MEGF8: variants seen among roughly 807,000 people sequenced by gnomAD.
MEGF8 encodes multiple epidermal growth factor-like domains protein 8.
A neutral mutation model predicts 302.9 loss-of-function variants in MEGF8; 156 were observed. The observed-to-expected ratio is 0.52, with a 90% CI of 0.45 to 0.59. The LOEUF is 0.59. MEGF8 is among the 20% of genes least tolerant of loss of function. The probability of loss-of-function intolerance (pLI) is 0.00; values close to 1 mark genes in which losing one functional copy is unlikely to be tolerated. For synonymous variants in MEGF8, 1,621 were observed against 1,660.5 expected (o/e 0.98, Z 0.58); for missense variants, 3,345 against 3,964.5 (o/e 0.84, Z 4.20).
At chr19:42,359,071 TC>T in intron 30 of MEGF8, 26 bp from the exon 31 acceptor site, 1 of 1,504,388 alleles carries the variant, frequency 6.6e-7, no homozygotes. Context: ...GGCTGTCCTG[TC>T]CCCCCACCCC....
rs1329120642 is a variant in MEGF8, at chr19:42,378,063, G to C, written c.*1288G>C. ...GGGGCAGACTGAGGCTTGTGAGGAA[G>C]ATCAGAGTCTGGTTCTTGACATGAG... On this transcript the variant is annotated 3_prime_UTR_variant, in exon 42 of 42. Coordinates refer to ENST00000251268, the MANE Select transcript of MEGF8 (RefSeq NM_001271938.2). The C allele has an allele frequency of 6.6e-6, 1 of 152,236 alleles. No individual in the cohort carries two copies. Among genetic ancestry groups the C allele is most frequent in the East Asian group, 1.9e-4 (1 of 5,206 alleles). The allele number at this position is 152,236 out of a possible 1,614,324, so 9.4% of individuals were successfully genotyped here.
At chr19:42,332,079 A>G (rs892711127) in intron 1 of MEGF8, among the ~76,000 whole-genome samples, 2 of 151,810 alleles carry the variant, frequency 1.3e-5, no homozygotes, top group Non-Finnish European at 2.9e-5. Flanking sequence ...CTGTTCTGGA[A>G]CTCCTGACCT....
chr19:42,368,431 CCCCAT>C lies in MEGF8; in HGVS notation c.6274-20_6274-16del. 1.3e-6 allele frequency: 2 copies of C among 1,542,372 alleles called. No individual in the cohort carries two copies. The highest frequency in any genetic ancestry group is 1.8e-6 in the Non-Finnish European group (2 of 1,133,700). On this transcript the variant is annotated intron_variant, in intron 35 of 41. Coordinates refer to ENST00000251268, the MANE Select transcript of MEGF8 (RefSeq NM_001271938.2). The surrounding 1 kb of genome is among the most constrained non-coding windows in gnomAD (Gnocchi z 4.9). ...TTCCCCATCTCTCTCTTCCCTGCAT[CCCCAT>C]CCCCTCCCCCCCATACAGTGTCTGA... is the stretch of plus-strand genomic sequence containing the variant.
intron 35 of MEGF8, among the ~76,000 whole-genome samples, chr19:42,365,772 TAAAAAAAAAAA>T (rs771190592): frequency 1.7e-5 from 1 of 57,654 alleles, no homozygotes; most frequent in Non-Finnish European, 3.6e-5. Context: ...ACCCCGTCTC[TAAAAAAAAAAA>T]AAAAAAAAAA....
At chr19:42,348,573 C>A in intron 13 of MEGF8, 101 bp downstream of exon 13, 1 of 1,179,530 alleles carries the variant, frequency 8.5e-7, no homozygotes, top group Non-Finnish European at 1.2e-6. Flanking sequence ...TGGGGAAGGG[C>A]TGGGGAGAAA....
chr19:42,354,498 C>G lies in MEGF8; in HGVS notation c.4012-90C>G. ...CAGCCCATTTCCCAGTCTCAGATTG[C>G]CCTCCCCTCTTGAACCCCTCCTCCT... On this transcript the variant is annotated intron_variant, in intron 22 of 41. Coordinates refer to ENST00000251268, the MANE Select transcript of MEGF8 (RefSeq NM_001271938.2). This position sits in a 1 kb window ranked among gnomAD's most constrained non-coding sequence, Gnocchi z 4.3. The G allele has an allele frequency of 7.0e-7, 1 of 1,430,402 alleles. No individual in the cohort carries two copies. The highest frequency in any genetic ancestry group is 9.5e-7 in the Non-Finnish European group (1 of 1,049,340). 88.6% of individuals were successfully genotyped at this position (1,430,402 alleles called of 1,614,324 possible).
In MEGF8 at chr19:42,367,534, C is replaced by T. The variant is rs528786705; in HGVS notation, c.6274-921C>T. On this transcript the variant is annotated intron_variant, in intron 35 of 41. Coordinates refer to ENST00000251268, the MANE Select transcript of MEGF8 (RefSeq NM_001271938.2). ...TGGTCTCCTGACCTCGTGATCCGCC[C>T]GCCTCGGCCTCCCAAAGTGCTGGGA... is the stretch of plus-strand genomic sequence containing the variant. Among the ~76,000 whole-genome samples the T allele has an allele frequency of 1.1e-4, 17 of 152,190 alleles. No homozygotes were observed. In the East Asian group the frequency reaches 1.4e-3, roughly 12 times the overall value.
intron 41 of MEGF8, among the ~76,000 whole-genome samples, chr19:42,374,339 C>T (rs866653158): frequency 5.9e-5 from 9 of 151,916 alleles, no homozygotes; most frequent in South Asian, 4.2e-4. Flanking sequence ...GGTGTGGTGG[C>T]GGACACCTGT....
intron 35 of MEGF8, among the ~76,000 whole-genome samples, chr19:42,366,084 GAAA>G (rs929282030): frequency 1.3e-5 from 2 of 150,954 alleles, no homozygotes; most frequent in Non-Finnish European, 3.0e-5. Context: ...TCCGTCTAAA[GAAA>G]AAAAAAGAAG....
At chr19:42,339,584 T>C (rs1017259700) in intron 8 of MEGF8, among the ~76,000 whole-genome samples, 1 of 152,244 alleles carries the variant, frequency 6.6e-6, no homozygotes, top group South Asian at 2.1e-4. Flanking sequence ...TGTTAGTTTA[T>C]TTAAGTTCCT....
intron 1 of MEGF8, among the ~76,000 whole-genome samples, chr19:42,332,240 C>T (rs960197545): frequency 1.3e-5 from 2 of 152,272 alleles, no homozygotes; most frequent in African/African-American, 4.8e-5. Context: ...GCTGAATGTT[C>T]ACCTTGGCTG....
In MEGF8 at chr19:42,370,841, A is replaced by G. The variant is rs750945705; in HGVS notation, c.7136+10A>G. The G allele has an allele frequency of 3.7e-5, 2 of 53,680 alleles. No individual in the cohort carries two copies. The highest frequency in any genetic ancestry group is 3.6e-4 in the Admixed American group (1 of 2,774). The allele number at this position is 53,680 out of a possible 1,614,324, so 3.3% of individuals were successfully genotyped here. A position where few individuals can be genotyped will look rare whatever the true frequency, so the allele number is the denominator to read the frequency against. ...ACGGGAAGTGCACCAAGTAAGAGGAACCGGGGGGGGGGGGGGGGGGGGGGG... is the reference window on the plus strand; with the variant it reads ...ACGGGAAGTGCACCAAGTAAGAGGAGCCGGGGGGGGGGGGGGGGGGGGGGG... On this transcript the variant is annotated intron_variant, in intron 40 of 41. Transcript: ENST00000251268.
rs746140237 is a variant in MEGF8 at position 42,353,625 on chromosome 19, C to T, written c.3711C>T (p.Thr1237=). 1.0e-5 allele frequency: 16 copies of T among 1,582,254 alleles called. No homozygotes were observed. The Admixed American group carries it at 1.3e-4, about 12-fold the overall frequency. The part of the protein sequence containing the change: ...LSGLCFCQDH[T]EGAHCQLCSP... ...GGCTCTGCTTCTGCCAGGACCACAC[C>T]GAGGGTGCCCACTGCCAGCTCTGCT... The change falls in exon 21 of 42, where the codon ACC becomes ACT. Residue 1237 remains threonine, a synonymous_variant. Transcript: ENST00000251268. This position sits in a 1 kb window ranked among gnomAD's most constrained non-coding sequence, Gnocchi z 6.1.
rs1192582790 is a variant in MEGF8, at chr19:42,344,974, ATT to A, written c.2097+146_2097+147del. The A allele has an allele frequency of 5.2e-6, 5 of 957,626 alleles. No individual in the cohort carries two copies. The highest frequency in any genetic ancestry group is 7.0e-6 in the Non-Finnish European group (5 of 713,438). The allele number at this position is 957,626 out of a possible 1,614,324, so 59.3% of individuals were successfully genotyped here. On this transcript the variant is annotated intron_variant, in intron 12 of 41. Transcript: ENST00000251268. This position sits in a 1 kb window ranked among gnomAD's most constrained non-coding sequence, Gnocchi z 4.5. ...GGGTCTTATTTTCCTTATGGACTTT[ATT>A]TTTTATTTTTTTTGAGAGGGAGTCT...
chr19:42,353,297 T>C lies in MEGF8; in HGVS notation c.3551-168T>C, dbSNP rs1481257195. ...CAGGTTTCAGTGCCACCCGTCACTC[T>C]GGTTGGGCTTCAGTTCCCCCTCTTG... On this transcript the variant is annotated intron_variant, in intron 20 of 41. Transcript: ENST00000251268. This position sits in a 1 kb window ranked among gnomAD's most constrained non-coding sequence, Gnocchi z 6.1. 6.6e-6 allele frequency among the ~76,000 whole-genome samples: 1 copy of C among 152,222 alleles called. No individual in the cohort carries two copies. The highest frequency in any genetic ancestry group is 1.9e-4 in the East Asian group (1 of 5,198).
intron 8 of MEGF8, among the ~76,000 whole-genome samples, chr19:42,339,313 C>T (rs1436434611): frequency 6.6e-6 from 1 of 152,184 alleles, no homozygotes; most frequent in Non-Finnish European, 1.5e-5. Context: ...TTTGAGAAAT[C>T]TTCAAACTGC....
intron 13 of MEGF8, 38 bp downstream of exon 13, chr19:42,348,510 T>C: frequency 6.8e-7 from 1 of 1,475,732 alleles, no homozygotes; most frequent in African/African-American, 1.4e-5. Flanking sequence ...TTGTTTATGG[T>C]AAATAGGGAG....
intron 1 of MEGF8, among the ~76,000 whole-genome samples, chr19:42,330,854 A>G (rs1191767436): frequency 3.3e-5 from 5 of 152,170 alleles, no homozygotes; most frequent in Admixed American, 3.3e-4. Context: ...GGAAGGGATA[A>G]TATGTTGCAG....
Position 42,350,347 on chromosome 19 carries a change from T to C in MEGF8, c.2699T>C (p.Leu900Pro). 1.3e-6 allele frequency: 2 copies of C among 1,599,948 alleles called. No homozygotes were observed. Among genetic ancestry groups the C allele is most frequent in the South Asian group, 2.2e-5 (2 of 90,576 alleles). ...GTGCTGGTGCCTACCCTCTGCCCAC[T>C]CTGCGAGGAGCATCGGGACTGCCAC... ...LLVLVPTLCP[L>P]CEEHRDCHAC... Residue 900 changes from leucine to proline, a missense_variant, in exon 15 of 42, where the codon CTC (leucine) becomes CCC (proline). Coordinates refer to ENST00000251268, the MANE Select transcript of MEGF8 (RefSeq NM_001271938.2).
Sources: allele counts gnomAD v4.1 joint callset (sites outside exome capture counted in the v4.1 genomes callset), GRCh38; gene constraint gnomAD v4.1.1; non-coding constraint Gnocchi (gnomAD v3.1); transcripts MANE v1.5; gene names NCBI Gene and HGNC (gene_info 2026-07-23, HGNC 2026-07-21).